Variants in FGD2 observed in about 807,000 individuals in gnomAD.
FGD2 encodes FYVE, RhoGEF and PH domain-containing protein 2.
FGD2 carries 52 observed loss-of-function variants against 75.9 expected under a neutral mutation model. That is an observed-to-expected ratio of 0.69 (90% CI 0.55 to 0.86). The LOEUF is 0.86. Among genes scored for constraint, FGD2 ranks in the 40% least tolerant of loss-of-function variants. The pLI, the probability that FGD2 is intolerant of heterozygous loss-of-function variation, is 0.00. For missense variants in FGD2, 790 were observed against 872.0 expected (o/e 0.91, Z 1.18); for synonymous variants, 347 against 348.6 (o/e 1.00, Z 0.05).
chr6:37,015,389 C>T (rs1765234367), intron 8 of FGD2, among the ~76,000 whole-genome samples: 4 of 152,166 alleles, frequency 2.6e-5, no homozygotes, highest in Non-Finnish European at 5.9e-5. Flanking sequence ...TGGGTTTGCA[C>T]GGAAGAAGCC....
At position 37,013,691 on chromosome 6, in the gene FGD2, G is replaced by A; in HGVS notation, c.610G>A (p.Glu204Lys). Residue 204 changes from glutamate to lysine, a missense_variant, in exon 5 of 16, where the codon GAG (glutamate) becomes AAG (lysine). By Grantham distance (56) the Glu-to-Lys change is moderately conservative. Transcript: ENST00000274963. ...GTACAGTGAGTATGTCAAGAACTTT[G>A]AGCGAGCGGCTGAGCTGCTGGCCAC... ...KMYSEYVKNF[E>K]RAAELLATWT... 6.2e-7 allele frequency: 1 copy of A among 1,614,084 alleles called. No homozygotes were observed. Among genetic ancestry groups the A allele is most frequent in the Non-Finnish European group, 8.5e-7 (1 of 1,179,988 alleles).
chr6:37,005,767 CCT>C lies in FGD2; in HGVS notation c.-42_-41del, dbSNP rs779239914. The C allele has an allele frequency of 6.9e-6, 11 of 1,583,396 alleles. No homozygotes were observed. The East Asian group carries it at 1.3e-4, about 19-fold the overall frequency. The stretch of plus-strand genomic sequence containing the variant: ...CGTGGCTGAGTGTGCTGGCTGGAGG[CCT>C]CTCTCTCTGCTTCGAGGGTAGCTGA... On this transcript the variant is annotated 5_prime_UTR_variant, in exon 1 of 16. The change abolishes the stop of an existing upstream ORF in the 5' untranslated region. Transcript: ENST00000274963.
In FGD2 at chr6:37,011,732, A is replaced by G. The variant is rs1277564967; in HGVS notation, c.405A>G (p.Thr135=). The G allele has an allele frequency of 1.9e-6, 3 of 1,614,048 alleles. No homozygotes were observed. Among genetic ancestry groups the G allele is most frequent in the Non-Finnish European group, 2.5e-6 (3 of 1,180,022 alleles). ...TGTTTTTCCAGGAGCTGCTGAAGAC[A>G]GCCCGCAGCAGCAAGGCCTTCCCAG... The part of the protein sequence containing the change: ...DQVFFQELLK[T]ARSSKAFPED... Residue 135 remains threonine, a synonymous_variant, in exon 4 of 16, where the codon ACA becomes ACG. Coordinates refer to ENST00000274963, the MANE Select transcript of FGD2 (RefSeq NM_173558.4).
rs2150770238 is a variant in FGD2 at position 37,011,786 on chromosome 6, C to T, written c.459C>T (p.Asn153=). Residue 153 remains asparagine, a synonymous_variant, in exon 4 of 16, where the codon AAC becomes AAT. Coordinates refer to ENST00000274963, the MANE Select transcript of FGD2 (RefSeq NM_173558.4). ...PEDVVRVIFS[N]ISSIYQFHSQ... ...ATGTGGTCAGGGTCATCTTCTCCAA[C>T]ATCTCCTCCATCTATCAGTTCCATT... 1 of 1,614,214 alleles carries T rather than the reference C, an allele frequency of 6.2e-7. No homozygotes were observed. Among genetic ancestry groups the T allele is most frequent in the African/African-American group, 1.3e-5 (1 of 75,068 alleles).
intron 12 of FGD2, 77 bp downstream of exon 12, chr6:37,021,681 C>T: frequency 1.5e-6 from 2 of 1,309,556 alleles, no homozygotes; most frequent in Non-Finnish European, 2.1e-6. Flanking sequence ...TCTGCCTATA[C>T]CAGCTCAGAG....
At chr6:37,027,865 G>A (rs942098573) in intron 15 of FGD2, 83 bp from the exon 16 acceptor site, 1 of 1,464,044 alleles carries the variant, frequency 6.8e-7, no homozygotes, top group Non-Finnish European at 9.4e-7. Context: ...AGCTGTGCGT[G>A]CGTGGCTGTT....
At position 37,028,334 on chromosome 6, in the gene FGD2, T is replaced by A. The variant is rs1375731831; in HGVS notation, c.*171T>A. 6 of 622,194 alleles carry A rather than the reference T, an allele frequency of 9.6e-6. No individual in the cohort carries two copies. Among genetic ancestry groups the A allele is most frequent in the African/African-American group, 9.2e-5 (5 of 54,636 alleles). The allele number at this position is 622,194 out of a possible 1,614,324, so 38.5% of individuals were successfully genotyped here. A position where few individuals can be genotyped will look rare whatever the true frequency, so the allele number is the denominator to read the frequency against. On this transcript the variant is annotated 3_prime_UTR_variant, in exon 16 of 16. Coordinates refer to ENST00000274963, the MANE Select transcript of FGD2 (RefSeq NM_173558.4). ...CCGATCTGGGATTAGAAAATATGGG[T>A]CCATTCCTTTCTAGAAAGGGGACAA...
chr6:37,010,990 C>G lies in FGD2; in HGVS notation c.318C>G (p.Ile106Met), dbSNP rs367720858. 28 of 1,614,042 alleles carry G rather than the reference C, an allele frequency of 1.7e-5. No individual in the cohort carries two copies. The Admixed American group carries it at 3.7e-4, about 21-fold the overall frequency. ...CTCCGCAGGAGCCAGAGAAGAAGAT[C>G]GTCCAGGAGCTGCTGGAGACAGAGC... ...GSGTQEPEKK[I>M]VQELLETEQA... is the part of the protein sequence containing the mutation. Residue 106 changes from isoleucine (I) to methionine (M), a missense_variant, in exon 3 of 16, where the codon ATC becomes ATG. Ile to Met is a conservative substitution (Grantham distance 10). Transcript: ENST00000274963.
chr6:37,026,586 A>C (rs1765832119), intron 14 of FGD2, among the ~76,000 whole-genome samples: 1 of 152,196 alleles, frequency 6.6e-6, no homozygotes, highest in Non-Finnish European at 1.5e-5. Context: ...CAACCAGCTC[A>C]GCATCAATAC....
In FGD2 at chr6:37,027,485, C is replaced by T. The variant is rs759087726; in HGVS notation, c.1662C>T (p.Ile554=). ...TGATGTGCAGCTTCCTGCAGCTCAT[C>T]GGGGACAAGTGGGGCAAGAGCGGCC... ...QSLMCSFLQL[I]GDKWGKSGPR... Residue 554 remains isoleucine (I), a synonymous_variant, in exon 15 of 16, where the codon ATC becomes ATT. Coordinates refer to ENST00000274963, the MANE Select transcript of FGD2 (RefSeq NM_173558.4). The T allele has an allele frequency of 1.8e-5, 29 of 1,613,894 alleles. No individual in the cohort carries two copies. Among genetic ancestry groups the T allele is most frequent in the South Asian group, 7.7e-5 (7 of 91,072 alleles).
intron 1 of FGD2, among the ~76,000 whole-genome samples, chr6:37,007,071 G>A (rs1195173061): frequency 6.6e-6 from 1 of 152,170 alleles, no homozygotes; most frequent in Non-Finnish European, 1.5e-5. Flanking sequence ...ATGGTGTGGG[G>A]AGGCCTCATT....
chr6:37,005,959 C>T (rs1764728905), intron 1 of FGD2, 74 bp downstream of exon 1: 5 of 1,533,334 alleles, frequency 3.3e-6, no homozygotes, highest in Admixed American at 3.7e-5. Context: ...GCAGCTCTCT[C>T]CCTGGGCCCT....
rs1273598806 is a variant in FGD2 at position 37,025,872 on chromosome 6, C to T, written c.1539C>T (p.Cys513=). The T allele has an allele frequency of 6.2e-7, 1 of 1,614,112 alleles. No homozygotes were observed. The highest frequency in any genetic ancestry group is 8.5e-7 in the Non-Finnish European group (1 of 1,180,048). Residue 513 remains cysteine, a synonymous_variant, in exon 14 of 16, where the codon TGC becomes TGT. Transcript: ENST00000274963. ...DNRPNRVCLH[C]YAFLTGNVLP... ...GGCCCAACCGAGTCTGCCTCCACTGCTACGCATTCCTCACTGGAAATGTGC... is the reference window on the plus strand; with the variant it reads ...GGCCCAACCGAGTCTGCCTCCACTGTTACGCATTCCTCACTGGAAATGTGC...
In FGD2 at chr6:37,015,780, C is replaced by A; in HGVS notation, c.1042C>A (p.Leu348Met). ...ERYLFLFNNM[L>M]LYCVPRVIQV... is the part of the protein sequence containing the mutation. ...GTGTCTCCTGCAGTTCAACAACATG[C>A]TGCTCTACTGTGTGCCCAGGGTGAT... The change falls in exon 9 of 16, where the codon CTG becomes ATG. Residue 348 changes from leucine to methionine, a missense_variant. Coordinates refer to ENST00000274963, the MANE Select transcript of FGD2 (RefSeq NM_173558.4). The A allele has an allele frequency of 1.3e-6, 2 of 1,591,398 alleles. No homozygotes were observed. Among genetic ancestry groups the A allele is most frequent in the South Asian group, 2.3e-5 (2 of 86,852 alleles).
chr6:37,014,044 T>C lies in FGD2; in HGVS notation c.767T>C (p.Leu256Pro). The C allele has an allele frequency of 6.2e-7, 1 of 1,614,116 alleles. No individual in the cohort carries two copies. The highest frequency in any genetic ancestry group is 2.2e-5 in the East Asian group (1 of 44,882). Residue 256 changes from leucine to proline, a missense_variant, in exon 6 of 16, where the codon CTC (leucine) becomes CCC (proline). Leu to Pro is a moderately conservative substitution (Grantham distance 98). Transcript: ENST00000274963. ...AGAATTCCACGTTACGAGCTGCTGCTCAAGGAGTACATCCAGAAGCTGCCA... is the reference window on the plus strand; with the variant it reads ...AGAATTCCACGTTACGAGCTGCTGCCCAAGGAGTACATCCAGAAGCTGCCA... Reference protein sequence around the residue: ...VQRIPRYELLLKEYIQKLPAQ... With the variant: ...VQRIPRYELLPKEYIQKLPAQ...
intron 11 of FGD2, 60 bp from the exon 12 acceptor site, chr6:37,021,452 G>T: frequency 6.9e-7 from 1 of 1,456,282 alleles, no homozygotes; most frequent in South Asian, 1.2e-5. Flanking sequence ...AGGATGGACA[G>T]AGGAGCAATC....
chr6:37,014,750 G>T, intron 7 of FGD2, 46 bp downstream of exon 7: 3 of 1,612,920 alleles, frequency 1.9e-6, no homozygotes, highest in Non-Finnish European at 1.7e-6. Flanking sequence ...CTCCCTGCAG[G>T]TCTCAGCCTG....
At chr6:37,012,185 C>T (rs186900838) in intron 4 of FGD2, among the ~76,000 whole-genome samples, 126 of 152,330 alleles carry the variant, frequency 8.3e-4, no homozygotes, top group African/African-American at 2.9e-3. Context: ...TTAACTCCCT[C>T]AATCTTCACA....
rs781520968 is a variant in FGD2, at chr6:37,013,707, T to A, written c.626T>A (p.Leu209Gln). ...AAGAACTTTGAGCGAGCGGCTGAGC[T>A]GCTGGCCACCTGGACCGACAAGTCT... is the stretch of plus-strand genomic sequence containing the variant. The part of the protein sequence containing the change: ...YVKNFERAAE[L>Q]LATWTDKSPL... Residue 209 changes from leucine (L) to glutamine (Q), a missense_variant, in exon 5 of 16, where the codon CTG (leucine) becomes CAG (glutamine). By Grantham distance (113) the Leu-to-Gln change is moderately radical. Coordinates refer to ENST00000274963, the MANE Select transcript of FGD2 (RefSeq NM_173558.4). 6 of 1,614,006 alleles carry A rather than the reference T, an allele frequency of 3.7e-6. No homozygotes were observed. The African/African-American group carries it at 8.0e-5, about 22-fold the overall frequency.
Sources: gnomAD v4.1 joint callset for allele counts (sites outside exome capture counted in the v4.1 genomes callset) on GRCh38, gnomAD v4.1.1 for gene constraint, MANE v1.5 for transcripts, NCBI Gene and HGNC (gene_info 2026-07-23, HGNC 2026-07-21) for gene names.